Variants in HPS4 observed in about 807,000 individuals in gnomAD.
HPS4 encodes HPS4 biogenesis of lysosomal organelles complex 3 subunit 2.
Under a neutral mutation model 70.3 loss-of-function variants are expected in HPS4, and 44 were observed. The ratio of observed to expected loss-of-function variants is 0.63; its 90% CI spans 0.49 to 0.80. The LOEUF is 0.80. HPS4 is among the 30% of genes least tolerant of loss of function. HPS4 has a pLI of 0.00. For synonymous variants in HPS4, 377 were observed against 355.9 expected, an observed-to-expected ratio of 1.06 and a Z score of -0.67; for missense variants, 873 against 884.4, an observed-to-expected ratio of 0.99 and a Z score of 0.16.
At chr22:26,460,223 C>A (rs961598189) in intron 11 of HPS4, among the ~76,000 whole-genome samples, 6 of 152,186 alleles carry the variant, frequency 3.9e-5, no homozygotes, top group African/African-American at 1.4e-4. Flanking sequence ...CCAAGCACTG[C>A]CAATTTATGA....
chr22:26,467,042 G>C (rs953761829), intron 8 of HPS4: 1 of 151,784 alleles, frequency 6.6e-6, no homozygotes, highest in Non-Finnish European at 1.5e-5. Context: ...TTAATATTGG[G>C]TATTTTTTCC....
At chr22:26,481,135 G>A (rs747428271) in intron 2 of HPS4, among the ~76,000 whole-genome samples, 28 of 151,320 alleles carry the variant, frequency 1.9e-4, no homozygotes, top group Admixed American at 6.6e-4. Flanking sequence ...GCGGGCACAC[G>A]AAAGAAAACT....
downstream of HPS4, chr22:26,443,376 G>A: frequency 1.7e-6 from 1 of 574,278 alleles, no homozygotes; most frequent in Non-Finnish European, 3.1e-6. Context: ...CTTGGTTATT[G>A]TAAATGGAAA....
In HPS4 at chr22:26,464,692, G is replaced by C. The variant is rs778237328; in HGVS notation, c.938C>G (p.Ser313Cys). Reference sequence around the variant, plus strand: ...GCCATCTGGACAAGCTTCGTCAGGGGATGTGGGATCTGGGGTGGTCCAGGC... The same window carrying C: ...GCCATCTGGACAAGCTTCGTCAGGGCATGTGGGATCTGGGGTGGTCCAGGC... Reference protein sequence around the residue: ...SMAWTTPDPTSPDEACPDGRK... With the variant: ...SMAWTTPDPTCPDEACPDGRK... Residue 313 changes from serine (S) to cysteine (C), a missense_variant, in exon 11 of 14, where the codon TCC (serine) becomes TGC (cysteine). Physicochemically the swap from Ser to Cys is moderately radical, Grantham distance 112. Coordinates refer to ENST00000398145, the MANE Select transcript of HPS4 (RefSeq NM_022081.6). The C allele has an allele frequency of 4.3e-6, 7 of 1,609,368 alleles. No individual in the cohort carries two copies. The highest frequency in any genetic ancestry group is 4.0e-5 in the African/African-American group (3 of 74,794).
At chr22:26,443,339 T>C, downstream of HPS4, 1 of 709,080 alleles carries the variant, frequency 1.4e-6, no homozygotes, top group Admixed American at 2.6e-5. Flanking sequence ...TATTTGGGAT[T>C]TTATATCATG....
Position 26,453,350 on chromosome 22 carries a change from G to T in HPS4, c.2010C>A (p.Phe670Leu), listed in dbSNP as rs773131180. Residue 670 changes from phenylalanine to leucine, a missense_variant, in exon 14 of 14, where the codon TTC becomes TTA. Transcript: ENST00000398145. ...TCCGTGCTGCAGGTGCCAGCTGCTGGAAATATGTCTCCTGGATGGGGTTGC... is the reference window on the plus strand; with the variant it reads ...TCCGTGCTGCAGGTGCCAGCTGCTGTAAATATGTCTCCTGGATGGGGTTGC... ...ACCNPIQETY[F>L]QQLAPAARSS... The T allele has an allele frequency of 6.2e-7, 1 of 1,614,194 alleles. No individual in the cohort carries two copies. The highest frequency in any genetic ancestry group is 8.5e-7 in the Non-Finnish European group (1 of 1,180,032).
downstream of HPS4, among the ~76,000 whole-genome samples, chr22:26,446,524 T>G (rs1054642539): frequency 6.6e-6 from 1 of 151,960 alleles, no homozygotes; most frequent in Non-Finnish European, 1.5e-5. Context: ...GTTCCGAGAG[T>G]GGGGTCCAGG....
chr22:26,477,280 C>T, intron 3 of HPS4, 144 bp from the exon 4 acceptor site: 1 of 821,122 alleles, frequency 1.2e-6, no homozygotes. Context: ...GGTTCTTATA[C>T]TTTTTAAAGG....
At chr22:26,454,535 A>T (rs546647337) in intron 13 of HPS4, among the ~76,000 whole-genome samples, 83 of 152,318 alleles carry the variant, frequency 5.4e-4, no homozygotes, top group Middle Eastern at 3.4e-3. Flanking sequence ...CATATGTAGA[A>T]AGCTGAAACT....
chr22:26,476,157 T>C (rs776022245), intron 4 of HPS4: 1 of 152,128 alleles, frequency 6.6e-6, no homozygotes, highest in Non-Finnish European at 1.5e-5. Context: ...TATATGAGTA[T>C]TCACTGTAAA....
At chr22:26,466,569 A>G (rs779698459) in intron 8 of HPS4, 4 of 511,452 alleles carry the variant, frequency 7.8e-6, no homozygotes, top group African/African-American at 1.9e-5. Context: ...AAAATTGAGG[A>G]TTCCTGTTCT....
intron 11 of HPS4, 142 bp from the exon 12 acceptor site, chr22:26,458,719 G>T: frequency 1.1e-6 from 1 of 897,960 alleles, no homozygotes; most frequent in South Asian, 1.7e-5. Flanking sequence ...TGCTTTGTGA[G>T]ACCGAGGCAG....
rs201385335 is a variant in HPS4, at chr22:26,457,924, G to C, written c.1890C>G (p.Leu630=). The C allele has an allele frequency of 6.2e-7, 1 of 1,614,166 alleles. No individual in the cohort carries two copies. Among genetic ancestry groups the C allele is most frequent in the East Asian group, 2.2e-5 (1 of 44,884 alleles). ...CGCTATGCATCAGGCTGACGGCCTG[G>C]AGGAAGCGGCGATCCTGCGGGGTGG... ...QVATPQDRRF[L]QAVSLMHSEF... Residue 630 remains leucine (L), a synonymous_variant, in exon 13 of 14, where the codon CTC becomes CTG. Transcript: ENST00000398145.
rs760258124 is a variant in HPS4, at chr22:26,458,432, G to A, written c.1846+13C>T. On this transcript the variant is annotated intron_variant, in intron 12 of 13. Transcript: ENST00000398145. ...GCATCCCCGTCGCCCCAGGCCCCTT[G>A]GCTGGTTCTTACCCATCAGCAAGCT... The A allele has an allele frequency of 6.2e-7, 1 of 1,614,082 alleles. No homozygotes were observed. Among genetic ancestry groups the A allele is most frequent in the Admixed American group, 1.7e-5 (1 of 60,012 alleles).
downstream of HPS4, among the ~76,000 whole-genome samples, chr22:26,447,179 G>A (rs1296145205): frequency 1.3e-5 from 2 of 152,216 alleles, no homozygotes; most frequent in Non-Finnish European, 2.9e-5. Context: ...GAGAGATTGG[G>A]TCAGGGCTGG....
At chr22:26,446,876 C>T (rs1272969082), downstream of HPS4, among the ~76,000 whole-genome samples, 4 of 152,166 alleles carry the variant, frequency 2.6e-5, no homozygotes, top group South Asian at 2.1e-4. Flanking sequence ...TACAGGTGCC[C>T]GCTTCCACGC....
At position 26,458,508 on chromosome 22, in the gene HPS4, C is replaced by G; in HGVS notation, c.1783G>C (p.Ala595Pro). The change falls in exon 12 of 14, where the codon GCA becomes CCA. Residue 595 changes from alanine to proline, a missense_variant. Transcript: ENST00000398145. ...HLKETLPRDE[A>P]ASTSSTYNFT... is the part of the protein sequence containing the mutation. Reference sequence around the variant, plus strand: ...TTGTAGGTGCTGCTCGTGGAGGCTGCCTCATCCCTGGGCAGCGTCTCTTTC... The same window carrying G: ...TTGTAGGTGCTGCTCGTGGAGGCTGGCTCATCCCTGGGCAGCGTCTCTTTC... 2.5e-6 allele frequency: 4 copies of G among 1,614,172 alleles called. No individual in the cohort carries two copies. The highest frequency in any genetic ancestry group is 3.4e-6 in the Non-Finnish European group (4 of 1,180,002).
chr22:26,452,004 GCACACACA>G lies in HPS4; in HGVS notation c.*1221_*1228del, dbSNP rs134978. The G allele has an allele frequency of 4.9e-3, 520 of 106,196 alleles. 8 individuals are homozygous for G. Among genetic ancestry groups the G allele is most frequent in the Admixed American group, 0.02 (247 of 12,154 alleles). The allele number at this position is 106,196 out of a possible 1,614,324, so 6.6% of individuals were successfully genotyped here. On this transcript the variant is annotated 3_prime_UTR_variant, in exon 14 of 14. Coordinates refer to ENST00000398145, the MANE Select transcript of HPS4 (RefSeq NM_022081.6). Reference sequence around the variant, plus strand: ...CCACGTTACGCGCGCGCGCGCGCGCGCACACACACACACACACACACACACACACACAC... The same window carrying G: ...CCACGTTACGCGCGCGCGCGCGCGCGCACACACACACACACACACACACAC...
chr22:26,451,996 GCGCGCGCGCACA>G lies in HPS4; in HGVS notation c.*1225_*1236del, dbSNP rs878939878. 0.057 allele frequency: 2,290 copies of G among 40,298 alleles called. 41 individuals carry two copies. The highest frequency in any genetic ancestry group is 0.095 in the African/African-American group (1,735 of 18,200). The allele number at this position is 40,298 out of a possible 1,614,324, so 2.5% of individuals were successfully genotyped here. A position where few individuals can be genotyped will look rare whatever the true frequency, so the allele number is the denominator to read the frequency against. ...GGATGCGCCCACGTTACGCGCGCGCGCGCGCGCGCACACACACACACACACACACACACACAC... is the reference window on the plus strand; with the variant it reads ...GGATGCGCCCACGTTACGCGCGCGCGCACACACACACACACACACACACAC... On this transcript the variant is annotated 3_prime_UTR_variant, in exon 14 of 14. Transcript: ENST00000398145.
Sources: gnomAD v4.1 joint callset for allele counts (sites outside exome capture counted in the v4.1 genomes callset) on GRCh38, gnomAD v4.1.1 for gene constraint, MANE v1.5 for transcripts, NCBI Gene and HGNC (gene_info 2026-07-23, HGNC 2026-07-21) for gene names.